The following NLK variants were observed in gnomAD, a reference collection of about 807,000 sequenced individuals.
NLK encodes the protein serine/threonine-protein kinase NLK.
Under a neutral mutation model 59.0 loss-of-function variants are expected in NLK, and 11 were observed. That is an observed-to-expected ratio of 0.19 (90% CI 0.12 to 0.31). The LOEUF (loss-of-function observed/expected upper bound fraction) is 0.31, where lower values mean the gene tolerates loss of function less well. Among genes scored for constraint, NLK ranks in the 10% least tolerant of loss-of-function variants. The probability of loss-of-function intolerance (pLI) is 1.00; values close to 1 mark genes in which losing one functional copy is unlikely to be tolerated. For missense variants in NLK, 410 were observed against 661.1 expected (o/e 0.62, Z 4.16); for synonymous variants, 235 against 235.9 (o/e 1.00, Z 0.03).
At chr17:28,149,702 T>G (rs1265329330) in intron 3 of NLK, among the ~76,000 whole-genome samples, 1 of 152,150 alleles carries the variant, frequency 6.6e-6, no homozygotes, top group African/African-American at 2.4e-5. Context: ...GCCATAACAG[T>G]GTTGTAATCT....
chr17:28,043,098 C>T lies in NLK; in HGVS notation c.225C>T (p.Ala75=), dbSNP rs996536120. The change falls in exon 1 of 11, where the codon GCC becomes GCT. Residue 75 remains alanine, a synonymous_variant. Coordinates refer to ENST00000407008, the MANE Select transcript of NLK (RefSeq NM_016231.5). ...ACACCTCTTCGGCAGCTGCGGCAGC[C>T]GCAGCAGCGGCTGCAGCTGCAGCCA... ...QQHTSSAAAA[A]AAAAAAAAML... 16 of 1,583,700 alleles carry T rather than the reference C, an allele frequency of 1.0e-5. No homozygotes were observed. In the South Asian group the frequency reaches 1.7e-4, roughly 17 times the overall value.
intron 3 of NLK, among the ~76,000 whole-genome samples, chr17:28,140,560 C>T (rs961856681): frequency 1.3e-5 from 2 of 152,134 alleles, no homozygotes; most frequent in Admixed American, 6.5e-5. Flanking sequence ...TCATGATGCT[C>T]AATGTTTGTT....
intron 2 of NLK, among the ~76,000 whole-genome samples, chr17:28,125,429 A>G (rs1189955425): frequency 6.6e-6 from 1 of 152,200 alleles, no homozygotes; most frequent in Non-Finnish European, 1.5e-5. Flanking sequence ...CAGGCATGGT[A>G]AAAGCAGAAA....
At chr17:28,107,839 C>A (rs1905260815) in intron 1 of NLK, among the ~76,000 whole-genome samples, 1 of 152,062 alleles carries the variant, frequency 6.6e-6, no homozygotes, top group African/African-American at 2.4e-5. Context: ...TCAGTAGAAT[C>A]CTTGTGCTCT....
chr17:28,188,899 G>A (rs1909213690), intron 8 of NLK, among the ~76,000 whole-genome samples: 1 of 151,996 alleles, frequency 6.6e-6, no homozygotes, highest in Non-Finnish European at 1.5e-5. Context: ...GTCTGCTCCT[G>A]AACTGAAATG....
chr17:28,111,892 GTGTGGT>G (rs1362930847), intron 1 of NLK, among the ~76,000 whole-genome samples: 105 of 114,506 alleles, frequency 9.2e-4, no homozygotes, highest in African/African-American at 3.3e-3. Context: ...GTGTGTGTGT[GTGTGGT>G]GTGTGTGTGT....
intron 1 of NLK, among the ~76,000 whole-genome samples, chr17:28,051,485 A>C (rs1425632189): frequency 6.6e-6 from 1 of 151,372 alleles, no homozygotes; most frequent in Non-Finnish European, 1.5e-5. Context: ...CAGCCTCCCG[A>C]GTAGCTGGGA....
intron 5 of NLK, among the ~76,000 whole-genome samples, chr17:28,167,849 C>T (rs1908303602): frequency 6.6e-6 from 1 of 151,516 alleles, no homozygotes; most frequent in African/African-American, 2.4e-5. Context: ...TAAATAAAGT[C>T]GTTTACGTTC....
At chr17:28,179,024 C>T (rs1365700828) in intron 7 of NLK, among the ~76,000 whole-genome samples, 1 of 152,208 alleles carries the variant, frequency 6.6e-6, no homozygotes, top group Non-Finnish European at 1.5e-5. Flanking sequence ...CTCATCTTTG[C>T]TTCATTTAAT....
At chr17:28,085,831 G>A (rs1469605675) in intron 1 of NLK, among the ~76,000 whole-genome samples, 2 of 152,220 alleles carry the variant, frequency 1.3e-5, no homozygotes, top group East Asian at 3.9e-4. Context: ...ATTACATTTT[G>A]GCTGTTTAGA....
At chr17:28,154,175 C>T (rs1187957357) in intron 3 of NLK, among the ~76,000 whole-genome samples, 1 of 152,186 alleles carries the variant, frequency 6.6e-6, no homozygotes, top group African/African-American at 2.4e-5. Flanking sequence ...CAGGTTGATT[C>T]TTGCTACAGA....
At chr17:28,087,331 C>T (rs1171371963) in intron 1 of NLK, among the ~76,000 whole-genome samples, 1 of 152,056 alleles carries the variant, frequency 6.6e-6, no homozygotes, top group East Asian at 1.9e-4. Context: ...TGAGTTAGAG[C>T]TATGTGTAGG....
At chr17:28,082,907 T>TATAC (rs1910396391) in intron 1 of NLK, among the ~76,000 whole-genome samples, 10 of 152,366 alleles carry the variant, frequency 6.6e-5, no homozygotes, top group Admixed American at 3.3e-4. Flanking sequence ...AAGAATTGGC[T>TATAC]ATACTATGTA....
intron 3 of NLK, among the ~76,000 whole-genome samples, chr17:28,154,495 C>G (rs577749324): frequency 6.6e-6 from 1 of 152,246 alleles, no homozygotes; most frequent in Admixed American, 6.5e-5. Context: ...GCTCTAAGCA[C>G]TCCCACAGAG....
In NLK at chr17:28,042,945, A is replaced by G; in HGVS notation, c.72A>G (p.Ala24=). ...ACAATGGCGGTACATCTGCAGCAGC[A>G]GCAGGTCACCACCACCACCATCACC... is the stretch of plus-strand genomic sequence containing the variant. ...AAYNGGTSAA[A]AGHHHHHHHH... Residue 24 remains alanine, a synonymous_variant, in exon 1 of 11, where the codon GCA becomes GCG. Transcript: ENST00000407008. 1 of 1,551,900 alleles carries G rather than the reference A, an allele frequency of 6.4e-7. No homozygotes were observed. Among genetic ancestry groups the G allele is most frequent in the Non-Finnish European group, 8.7e-7 (1 of 1,147,182 alleles).
At chr17:28,108,943 C>T (rs375228684) in intron 1 of NLK, among the ~76,000 whole-genome samples, 19 of 151,974 alleles carry the variant, frequency 1.3e-4, no homozygotes, top group Admixed American at 7.2e-4. Context: ...CTGAGGTGGG[C>T]GGATCATGAG....
intron 7 of NLK, among the ~76,000 whole-genome samples, chr17:28,177,832 T>G (rs1181443556): frequency 6.6e-6 from 1 of 152,236 alleles, no homozygotes; most frequent in African/African-American, 2.4e-5. Flanking sequence ...AGTAGCTTAC[T>G]TGTGTCAAGG....
chr17:28,119,449 A>G (rs1905923906), intron 1 of NLK, among the ~76,000 whole-genome samples: 1 of 152,174 alleles, frequency 6.6e-6, no homozygotes, highest in Non-Finnish European at 1.5e-5. Context: ...CTCCTTTATT[A>G]TGGTGGCTTT....
intron 1 of NLK, among the ~76,000 whole-genome samples, chr17:28,066,132 T>A (rs1855365149): frequency 6.6e-6 from 1 of 152,144 alleles, no homozygotes; most frequent in Non-Finnish European, 1.5e-5. Context: ...TTCTTTCAGG[T>A]GTTCAACCTC....
Sources: gnomAD v4.1 joint callset for allele counts (sites outside exome capture counted in the v4.1 genomes callset) on GRCh38, gnomAD v4.1.1 for gene constraint, MANE v1.5 for transcripts, NCBI Gene and HGNC (gene_info 2026-07-23, HGNC 2026-07-21) for gene names.